Variants in ATP1B3 observed in about 807,000 individuals in gnomAD.
ATP1B3 encodes the protein sodium/potassium-transporting ATPase subunit beta-3.
In ATP1B3, 10 loss-of-function variants were observed where a neutral mutation model predicts 30.2. That is an observed-to-expected ratio of 0.33 (90% CI 0.20 to 0.56). The LOEUF (loss-of-function observed/expected upper bound fraction) is 0.56, where lower values mean the gene tolerates loss of function less well. Ranked by LOEUF, ATP1B3 falls within the 20% of genes least tolerant of loss-of-function variation. The probability of loss-of-function intolerance (pLI) is 0.90; values close to 1 mark genes in which losing one functional copy is unlikely to be tolerated. For missense variants in ATP1B3, 238 were observed against 336.7 expected (o/e 0.71, Z 2.29); for synonymous variants, 113 against 117.0 (o/e 0.97, Z 0.22).
At chr3:141,894,451 C>G (rs1181303305) in intron 1 of ATP1B3, among the ~76,000 whole-genome samples, 4 of 152,052 alleles carry the variant, frequency 2.6e-5, no homozygotes, top group Non-Finnish European at 5.9e-5. Flanking sequence ...AGCCTTCATA[C>G]CCAGCGACTT....
intron 1 of ATP1B3, among the ~76,000 whole-genome samples, chr3:141,898,595 A>T (rs912179610): frequency 5.3e-5 from 8 of 152,228 alleles, no homozygotes; most frequent in Non-Finnish European, 1.2e-4. Flanking sequence ...AAAACACAGT[A>T]AAAGAAGTGT....
chr3:141,924,799 A>G (rs923674986), intron 6 of ATP1B3, among the ~76,000 whole-genome samples: 8 of 152,172 alleles, frequency 5.3e-5, no homozygotes, highest in African/African-American at 1.9e-4. Context: ...TTAAAAATAC[A>G]AAAGTTAGCT....
chr3:141,880,039 T>G (rs1369909392), intron 1 of ATP1B3, among the ~76,000 whole-genome samples: 1 of 152,012 alleles, frequency 6.6e-6, no homozygotes, highest in Non-Finnish European at 1.5e-5. Context: ...TATCATTCAT[T>G]TAAGATGTTT....
chr3:141,913,929 C>T (rs1331290786), intron 4 of ATP1B3, 93 bp downstream of exon 4: 1 of 1,226,964 alleles, frequency 8.2e-7, no homozygotes, highest in Non-Finnish European at 1.1e-6. Flanking sequence ...GGGTTAATGC[C>T]TTCCTTATTA....
chr3:141,889,844 T>TAC (rs72133854), intron 1 of ATP1B3, among the ~76,000 whole-genome samples: 1 of 148,494 alleles, frequency 6.7e-6, no homozygotes, highest in African/African-American at 2.5e-5. Flanking sequence ...TATATATATA[T>TAC]ACAGTTCTCC....
chr3:141,876,712 G>A lies in ATP1B3; in HGVS notation c.-90G>A. ...TCCCACCCTTCACTGCCGTCTCCGG[G>A]CTGCGCCGCCGGAGCCGGGACGCGC... On this transcript the variant is annotated 5_prime_UTR_variant, in exon 1 of 7. Transcript: ENST00000286371. 3 of 964,626 alleles carry A rather than the reference G, an allele frequency of 3.1e-6. No individual in the cohort carries two copies. Among genetic ancestry groups the A allele is most frequent in the Non-Finnish European group, 4.7e-6 (3 of 637,718 alleles). 59.8% of individuals were successfully genotyped at this position (964,626 alleles called of 1,614,324 possible). A position where few individuals can be genotyped will look rare whatever the true frequency, so the allele number is the denominator to read the frequency against.
intron 1 of ATP1B3, among the ~76,000 whole-genome samples, chr3:141,884,960 G>GT: frequency 6.6e-6 from 1 of 152,202 alleles, no homozygotes; most frequent in East Asian, 1.9e-4. Flanking sequence ...CCAGGCCCCT[G>GT]TTTATTGTCA....
intron 1 of ATP1B3, among the ~76,000 whole-genome samples, chr3:141,892,218 G>A (rs768288173): frequency 1.2e-4 from 18 of 151,976 alleles, no homozygotes; most frequent in Non-Finnish European, 2.2e-4. Flanking sequence ...TCTTCTTTAT[G>A]TGTTTTTATT....
intron 1 of ATP1B3, among the ~76,000 whole-genome samples, chr3:141,883,665 A>G (rs552357945): frequency 1.3e-5 from 2 of 152,192 alleles, no homozygotes; most frequent in Non-Finnish European, 2.9e-5. Context: ...GGCCTGTCCT[A>G]GCACTTGCTA....
intron 6 of ATP1B3, among the ~76,000 whole-genome samples, chr3:141,925,132 A>G (rs541797849): frequency 1.3e-5 from 2 of 152,278 alleles, no homozygotes; most frequent in South Asian, 4.2e-4. Flanking sequence ...AAAAAATTAA[A>G]AAGAATGCAG....
chr3:141,907,403 T>G, intron 3 of ATP1B3, 129 bp downstream of exon 3: 3 of 600,772 alleles, frequency 5.0e-6, no homozygotes, highest in South Asian at 5.5e-5. Context: ...GCAGATCACC[T>G]GAGGTTAGGA....
chr3:141,925,878 T>G lies in ATP1B3; in HGVS notation c.*177T>G. ...AGTGTTCAGTGTCCTCTGAAGTAACTGCCTGTTGCCTCTGCTGCCCTTTGA... is the reference window on the plus strand; with the variant it reads ...AGTGTTCAGTGTCCTCTGAAGTAACGGCCTGTTGCCTCTGCTGCCCTTTGA... On this transcript the variant is annotated 3_prime_UTR_variant, in exon 7 of 7. Coordinates refer to ENST00000286371, the MANE Select transcript of ATP1B3 (RefSeq NM_001679.4). The G allele has an allele frequency of 1.4e-6, 1 of 735,256 alleles. No individual in the cohort carries two copies. The highest frequency in any genetic ancestry group is 2.9e-5 in the East Asian group (1 of 35,044). 45.5% of individuals were successfully genotyped at this position (735,256 alleles called of 1,614,324 possible). A position where few individuals can be genotyped will look rare whatever the true frequency, so the allele number is the denominator to read the frequency against.
Position 141,903,703 on chromosome 3 carries a change from C to CT in ATP1B3, c.194dup (p.Asn66GlnfsTer3), listed in dbSNP as rs1934210342. On this transcript the variant is annotated frameshift_variant, in exon 2 of 7. Transcript: ENST00000286371. LOFTEE classifies it high-confidence loss of function. ...CACGATGTGGGTTATGCTTCAGACT[C>CT]TCAACGATGAGGTTCCAAAATACCG... 1.2e-6 allele frequency: 2 copies of CT among 1,614,024 alleles called. No homozygotes were observed. Among genetic ancestry groups the CT allele is most frequent in the Middle Eastern group, 1.6e-4 (1 of 6,084 alleles).
At chr3:141,916,997 A>T (rs1188579093) in intron 5 of ATP1B3, among the ~76,000 whole-genome samples, 1 of 148,216 alleles carries the variant, frequency 6.7e-6, no homozygotes, top group African/African-American at 2.5e-5. Flanking sequence ...AGTAGCTGGG[A>T]CTACAGGCGC....
chr3:141,915,079 C>T (rs1467682123), intron 4 of ATP1B3, among the ~76,000 whole-genome samples: 1 of 152,216 alleles, frequency 6.6e-6, no homozygotes, highest in African/African-American at 2.4e-5. Context: ...ATCCTCACGA[C>T]ATCTAGATTG....
At chr3:141,884,171 A>T (rs951802890) in intron 1 of ATP1B3, among the ~76,000 whole-genome samples, 1 of 152,056 alleles carries the variant, frequency 6.6e-6, no homozygotes, top group Non-Finnish European at 1.5e-5. Flanking sequence ...TTAACATAAT[A>T]ACCTCCCACA....
intron 1 of ATP1B3, among the ~76,000 whole-genome samples, chr3:141,892,026 G>A (rs1420591714): frequency 6.6e-6 from 1 of 151,826 alleles, no homozygotes; most frequent in Non-Finnish European, 1.5e-5. Context: ...ACGTATACTA[G>A]GTAACTGTTG....
intron 4 of ATP1B3, among the ~76,000 whole-genome samples, chr3:141,914,408 G>A (rs1934419642): frequency 6.6e-6 from 1 of 152,178 alleles, no homozygotes; most frequent in Non-Finnish European, 1.5e-5. Context: ...ACAGAAGGGT[G>A]CCTAAATTGT....
chr3:141,907,339 G>A (rs1251655551), intron 3 of ATP1B3, 65 bp downstream of exon 3: 32 of 1,374,750 alleles, frequency 2.3e-5, no homozygotes, highest in Non-Finnish European at 2.8e-5. Flanking sequence ...CAAATTGTGG[G>A]CCGGGCACGG....
Sources: allele counts gnomAD v4.1 joint callset (sites outside exome capture counted in the v4.1 genomes callset), GRCh38; gene constraint gnomAD v4.1.1; transcripts MANE v1.5; gene names NCBI Gene and HGNC (gene_info 2026-07-23, HGNC 2026-07-21).